The following PLS1 variants were observed in gnomAD, a reference collection of about 807,000 sequenced individuals.
PLS1 encodes the protein plastin 1, also known as plastin-1.
Under a neutral mutation model 73.7 loss-of-function variants are expected in PLS1, and 32 were observed. The observed-to-expected ratio is 0.43, with a 90% CI of 0.33 to 0.58. PLS1 has a LOEUF of 0.58. PLS1 is among the 20% of genes least tolerant of loss of function. The pLI, the probability that PLS1 is intolerant of heterozygous loss-of-function variation, is 0.04. For missense variants in PLS1, 633 were observed against 740.5 expected (o/e 0.85, Z 1.68); for synonymous variants, 217 against 261.3 (o/e 0.83, Z 1.63).
chr3:142,620,649 ATTAT>A (rs1264787051), intron 1 of PLS1, among the ~76,000 whole-genome samples: 4 of 152,194 alleles, frequency 2.6e-5, no homozygotes, highest in African/African-American at 9.6e-5. Context: ...GATTCAGTTT[ATTAT>A]TTTCTAGTAT....
chr3:142,649,407 G>A (rs1577836255), intron 1 of PLS1, among the ~76,000 whole-genome samples: 4 of 150,532 alleles, frequency 2.7e-5, no homozygotes, highest in Admixed American at 2.6e-4. Flanking sequence ...AGGCTGAGAA[G>A]GATGGATCAC....
chr3:142,647,542 G>T (rs1467878948), intron 1 of PLS1, among the ~76,000 whole-genome samples: 1 of 131,742 alleles, frequency 7.6e-6, no homozygotes, highest in Non-Finnish European at 1.6e-5. Context: ...TCGCACTGTT[G>T]CCCTGGCTGG....
At chr3:142,635,854 T>G (rs2036675848) in intron 1 of PLS1, among the ~76,000 whole-genome samples, 1 of 151,738 alleles carries the variant, frequency 6.6e-6, no homozygotes, top group South Asian at 2.1e-4. Context: ...TCTAGAGCTT[T>G]TTGTTTGTTT....
chr3:142,612,208 A>G (rs530804305), intron 1 of PLS1, among the ~76,000 whole-genome samples: 3 of 152,320 alleles, frequency 2.0e-5, no homozygotes, highest in South Asian at 2.1e-4. Flanking sequence ...GTTTCTGTCC[A>G]TGAGAAAAGA....
chr3:142,676,411 G>T, intron 5 of PLS1, 122 bp downstream of exon 5: 2 of 882,832 alleles, frequency 2.3e-6, no homozygotes, highest in South Asian at 1.8e-5. Flanking sequence ...AGGTCATGAG[G>T]AATTTATATT....
intron 14 of PLS1, among the ~76,000 whole-genome samples, chr3:142,708,281 C>A (rs925318212): frequency 1.3e-5 from 2 of 152,156 alleles, no homozygotes; most frequent in Non-Finnish European, 2.9e-5. Flanking sequence ...GAGTCTTGCT[C>A]TGTCACCCAG....
intron 2 of PLS1, among the ~76,000 whole-genome samples, chr3:142,665,255 C>A (rs1393506641): frequency 5.4e-5 from 6 of 110,536 alleles, no homozygotes; most frequent in Admixed American, 2.1e-4. Context: ...TTTTATTGAC[C>A]AATACAAAGA....
At chr3:142,706,851 T>A (rs1183271450) in intron 14 of PLS1, among the ~76,000 whole-genome samples, 1 of 152,090 alleles carries the variant, frequency 6.6e-6, no homozygotes, top group African/African-American at 2.4e-5. Flanking sequence ...GGAAAACAGA[T>A]AACACTAATA....
intron 10 of PLS1, among the ~76,000 whole-genome samples, chr3:142,692,648 T>G (rs1397581072): frequency 6.6e-6 from 1 of 152,116 alleles, no homozygotes; most frequent in African/African-American, 2.4e-5. Context: ...CCCCCGAAGA[T>G]AGTTTCAGAA....
At position 142,638,151 on chromosome 3, in the gene PLS1, A is replaced by G. The variant is rs576370017; in HGVS notation, c.-36-26051A>G. On this transcript the variant is annotated intron_variant, in intron 1 of 15. Transcript: ENST00000457734. Reference sequence around the variant, plus strand: ...ATAATTAAGTCGTTTTAAGCATGCAATCTCCTGAAAGAGGCAATAAAATAG... The same window carrying G: ...ATAATTAAGTCGTTTTAAGCATGCAGTCTCCTGAAAGAGGCAATAAAATAG... Among the ~76,000 whole-genome samples the G allele has an allele frequency of 1.3e-4, 20 of 152,286 alleles. No individual in the cohort carries two copies. The South Asian group carries it at 2.1e-3, about 16-fold the overall frequency.
intron 2 of PLS1, among the ~76,000 whole-genome samples, chr3:142,665,459 A>T (rs538400623): frequency 1.7e-3 from 263 of 152,322 alleles, no homozygotes; most frequent in Admixed American, 3.9e-3. Context: ...ATATGGTATG[A>T]TTTTCAGAAA....
intron 1 of PLS1, among the ~76,000 whole-genome samples, chr3:142,600,485 G>T (rs191817581): frequency 3.9e-5 from 6 of 152,126 alleles, no homozygotes. Context: ...GAACATGGGG[G>T]TGAGGTAAGG....
chr3:142,609,573 A>C (rs895590261), intron 1 of PLS1, among the ~76,000 whole-genome samples: 3 of 152,230 alleles, frequency 2.0e-5, no homozygotes, highest in African/African-American at 7.2e-5. Flanking sequence ...AGTGAACAAT[A>C]AATGTCTTTT....
At chr3:142,599,194 A>G (rs1405780100) in intron 1 of PLS1, among the ~76,000 whole-genome samples, 25 of 151,702 alleles carry the variant, frequency 1.6e-4, no homozygotes, top group South Asian at 1.5e-3. Flanking sequence ...ATAAATAAAT[A>G]AATAAATAAA....
intron 1 of PLS1, among the ~76,000 whole-genome samples, chr3:142,629,373 T>A (rs1485506340): frequency 1.3e-5 from 2 of 152,114 alleles, no homozygotes; most frequent in Admixed American, 1.3e-4. Flanking sequence ...CGGCTAATTT[T>A]TGTATTTTTA....
intron 3 of PLS1, among the ~76,000 whole-genome samples, chr3:142,670,417 A>C (rs1240246362): frequency 1.3e-5 from 2 of 152,202 alleles, no homozygotes; most frequent in Non-Finnish European, 2.9e-5. Flanking sequence ...TTTTATCCTA[A>C]AAGCAATAGG....
chr3:142,658,369 G>C (rs2037287307), intron 1 of PLS1, among the ~76,000 whole-genome samples: 1 of 151,910 alleles, frequency 6.6e-6, no homozygotes, highest in East Asian at 1.9e-4. Context: ...CCAGCTACTC[G>C]GGAGGCTGAG....
intron 1 of PLS1, among the ~76,000 whole-genome samples, chr3:142,636,823 C>T (rs906744989): frequency 2.0e-5 from 3 of 152,138 alleles, no homozygotes; most frequent in Non-Finnish European, 2.9e-5. Flanking sequence ...AAAAGATGCT[C>T]ATCATCATTA....
chr3:142,631,764 C>T (rs2108587881), intron 1 of PLS1, among the ~76,000 whole-genome samples: 2 of 149,648 alleles, frequency 1.3e-5, no homozygotes, highest in East Asian at 4.0e-4. Flanking sequence ...ACCTGAAACT[C>T]TTAGAAGAAA....
Sources: allele counts gnomAD v4.1 joint callset (sites outside exome capture counted in the v4.1 genomes callset), GRCh38; gene constraint gnomAD v4.1.1; transcripts MANE v1.5; gene names NCBI Gene and HGNC (gene_info 2026-07-23, HGNC 2026-07-21).